Variants in TAF1 observed in about 807,000 individuals in gnomAD.
TAF1 encodes transcription initiation factor TFIID subunit 1.
In TAF1, 2 loss-of-function variants were observed where a neutral mutation model predicts 138.5. The observed-to-expected ratio is 0.01, with a 90% CI of 0.01 to 0.05. The LOEUF (loss-of-function observed/expected upper bound fraction) is 0.05, where lower values mean the gene tolerates loss of function less well. Among genes scored for constraint, TAF1 ranks in the 10% least tolerant of loss-of-function variants. The probability of loss-of-function intolerance (pLI) is 1.00; values close to 1 mark genes in which losing one functional copy is unlikely to be tolerated. For missense variants in TAF1, 709 were observed against 1,478.0 expected (o/e 0.48, Z 8.53); for synonymous variants, 437 against 503.2 (o/e 0.87, Z 1.76).
At chrX:71,471,602 A>G (rs191537255) in intron 13 of TAF1, among the ~76,000 whole-genome samples, 40 of 108,401 alleles carry the variant, frequency 3.7e-4, no homozygotes, top group African/African-American at 1.1e-3. Context: ...GAGGGTGTCC[A>G]GGTTCTTGGC....
intron 32 of TAF1, among the ~76,000 whole-genome samples, chrX:71,426,072 C>G (rs1308180143): frequency 9.4e-6 from 1 of 106,129 alleles, no homozygotes; most frequent in Non-Finnish European, 1.9e-5. Flanking sequence ...CCAGCCTGGG[C>G]AACATAGTGA....
At chrX:71,379,249 A>G (rs1377602916) in intron 8 of TAF1, among the ~76,000 whole-genome samples, 2 of 107,429 alleles carry the variant, frequency 1.9e-5, no homozygotes, top group Admixed American at 1.0e-4. Context: ...TGGAGTGGCT[A>G]GGATTACAGG....
At chrX:71,470,135 G>C (rs1169877581), downstream of TAF1, among the ~76,000 whole-genome samples, 1 of 111,868 alleles carries the variant, frequency 8.9e-6, no homozygotes. Context: ...CAGGTTAACA[G>C]AGGTTCTCTC....
intron 13 of TAF1, among the ~76,000 whole-genome samples, chrX:71,481,290 A>G (rs1362906472): frequency 8.9e-6 from 1 of 112,193 alleles, no homozygotes; most frequent in Non-Finnish European, 1.9e-5. Flanking sequence ...TCACACACAC[A>G]CATACACACA....
At chrX:71,507,519 C>A (rs2039650199) in intron 13 of TAF1, among the ~76,000 whole-genome samples, 1 of 110,833 alleles carries the variant, frequency 9.0e-6, no homozygotes, top group Non-Finnish European at 1.9e-5. Flanking sequence ...TGTGAGCCAC[C>A]ACGCTTGGCC....
At chrX:71,398,037 G>A (rs1190983196) in intron 23 of TAF1, among the ~76,000 whole-genome samples, 2 of 111,793 alleles carry the variant, frequency 1.8e-5, no homozygotes, top group Non-Finnish European at 3.8e-5. Flanking sequence ...TGGTTGGTTT[G>A]CAAAAATCTT....
chrX:71,388,135 G>A (rs1469644314), intron 15 of TAF1, 102 bp from the exon 16 acceptor site: 17 of 1,091,887 alleles, frequency 1.6e-5, no homozygotes, highest in African/African-American at 5.6e-5. Context: ...GGAGCACATC[G>A]GGAAAGATGA....
chrX:71,366,515 G>GGGGGGGGGGGGT, intron 1 of TAF1, 21 bp downstream of exon 1: 1 of 418,752 alleles, frequency 2.4e-6, no homozygotes. Flanking sequence ...GGGCGTGGGG[G>GGGGGGGGGGGGT]TAGGGCTCGG....
chrX:71,392,747 A>G (rs751644048), intron 19 of TAF1, 29 bp downstream of exon 19: 1 of 1,190,876 alleles, frequency 8.4e-7, no homozygotes, highest in East Asian at 3.0e-5. Context: ...CTAGAATGAA[A>G]AAGTCAAGGG....
rs1158533765 is a variant in TAF1 at position 71,415,128 on chromosome X, C to CTTT, written c.4385-6154_4385-6152dup. On this transcript the variant is annotated intron_variant, in intron 28 of 37. Coordinates refer to ENST00000423759, the MANE Select transcript of TAF1 (RefSeq NM_004606.5). ...CTTTGTGAACTTGGGAAAGTTTTGT[C>CTTT]TTTTTTTTTTTTTTTTTTTTTTTTT... Among the ~76,000 whole-genome samples, 63 of 51,626 alleles carry CTTT rather than the reference C, an allele frequency of 1.2e-3. 3 individuals carry two copies. Among genetic ancestry groups the CTTT allele is most frequent in the African/African-American group, 1.8e-3 (23 of 12,531 alleles). The allele number at this position is 51,626 out of a possible 115,157, so 44.8% of individuals were successfully genotyped here.
At chrX:71,506,250 G>T (rs780479245) in intron 13 of TAF1, among the ~76,000 whole-genome samples, 1 of 108,019 alleles carries the variant, frequency 9.3e-6, no homozygotes, top group East Asian at 2.9e-4. Context: ...AATCAGCCGG[G>T]CATGATGGTG....
downstream of TAF1, among the ~76,000 whole-genome samples, chrX:71,466,923 T>A (rs1159557215): frequency 2.7e-5 from 3 of 110,637 alleles, no homozygotes; most frequent in Non-Finnish European, 5.7e-5. Context: ...TAAAAAGTGA[T>A]CATTGCAATA....
intron 13 of TAF1, among the ~76,000 whole-genome samples, chrX:71,488,266 C>T (rs1273279363): frequency 1.0e-4 from 8 of 79,710 alleles, no homozygotes; most frequent in African/African-American, 3.4e-4. Context: ...TTTTTTGAGA[C>T]GGAGTCTCAG....
At chrX:71,508,451 C>T (rs1276218951) in intron 13 of TAF1, among the ~76,000 whole-genome samples, 1 of 105,552 alleles carries the variant, frequency 9.5e-6, no homozygotes, top group Non-Finnish European at 1.9e-5. Flanking sequence ...ATGATAATAA[C>T]AAAATTAGCT....
At chrX:71,463,023 T>C (rs964275757) in intron 37 of TAF1, among the ~76,000 whole-genome samples, 4 of 111,565 alleles carry the variant, frequency 3.6e-5, no homozygotes, top group African/African-American at 1.3e-4. Flanking sequence ...ATTAAAATTA[T>C]GCTATAGACG....
chrX:71,425,165 A>G (rs1569333814), intron 32 of TAF1, among the ~76,000 whole-genome samples: 2 of 111,264 alleles, frequency 1.8e-5, no homozygotes, highest in Admixed American at 1.9e-4. Flanking sequence ...GCTTAGGGAA[A>G]TGGGTAGCTA....
chrX:71,408,782 T>C (rs978400294), intron 28 of TAF1, among the ~76,000 whole-genome samples: 6 of 111,177 alleles, frequency 5.4e-5, no homozygotes, highest in South Asian at 3.8e-4. Context: ...TCCCAGCACT[T>C]TGGGAGGCCA....
downstream of TAF1, among the ~76,000 whole-genome samples, chrX:71,467,651 CAT>C (rs771945429): frequency 4.3e-4 from 48 of 111,668 alleles, 1 homozygote; most frequent in Non-Finnish European, 8.6e-4. Context: ...GGCAATTTCA[CAT>C]GTTTCAATCT....
chrX:71,373,589 G>C (rs1047531777), intron 3 of TAF1, among the ~76,000 whole-genome samples: 5 of 111,850 alleles, frequency 4.5e-5, no homozygotes, highest in Non-Finnish European at 9.4e-5. Flanking sequence ...ATGTTGATAG[G>C]GAATTTAAAA....
Sources: allele counts gnomAD v4.1 joint callset (sites outside exome capture counted in the v4.1 genomes callset), GRCh38; gene constraint gnomAD v4.1.1; transcripts MANE v1.5; gene names NCBI Gene and HGNC (gene_info 2026-07-23, HGNC 2026-07-21).